Variants in CTNNBIP1 observed in about 807,000 individuals in gnomAD.
CTNNBIP1 encodes the protein beta-catenin-interacting protein 1.
CTNNBIP1 carries 7 observed loss-of-function variants against 11.8 expected under a neutral mutation model. The ratio of observed to expected loss-of-function variants is 0.60; its 90% CI spans 0.34 to 1.12. The LOEUF is 1.12. Among genes scored for constraint, CTNNBIP1 ranks in the 50% most tolerant of loss-of-function variants. The pLI is 0.03. For synonymous variants in CTNNBIP1, 58 were observed against 43.9 expected, an observed-to-expected ratio of 1.32 and a Z score of -1.26; for missense variants, 101 against 113.4, an observed-to-expected ratio of 0.89 and a Z score of 0.50.
rs1286949100 is a variant in CTNNBIP1 at position 9,851,631 on chromosome 1, A to G, written c.188-855T>C. On this transcript the variant is annotated intron_variant, in intron 5 of 5. Coordinates refer to ENST00000377263, the MANE Select transcript of CTNNBIP1 (RefSeq NM_020248.3). The surrounding 1 kb of genome is among the most constrained non-coding windows in gnomAD (Gnocchi z 4.8). The stretch of plus-strand genomic sequence containing the variant: ...CATGATCCACCCACCTCGGCCTCCC[A>G]AAGTGCTGGGATTATAGGCAGGAGC... Among the ~76,000 whole-genome samples, 24 of 152,154 alleles carry G rather than the reference A, an allele frequency of 1.6e-4. No homozygotes were observed. Among genetic ancestry groups the G allele is most frequent in the Admixed American group, 1.6e-3 (24 of 15,276 alleles).
intron 5 of CTNNBIP1, among the ~76,000 whole-genome samples, chr1:9,864,146 G>A (rs1448779510): frequency 2.6e-5 from 4 of 152,130 alleles, no homozygotes; most frequent in Admixed American, 1.3e-4. Flanking sequence ...AGTGTGATCA[G>A]GTGGAGGCAG....
rs762719957 is a variant in CTNNBIP1 at position 9,871,281 on chromosome 1, C to T, written c.97-4G>A. On this transcript the variant is annotated splice_polypyrimidine_tract_variant and splice_region_variant and intron_variant, in intron 4 of 5. Transcript: ENST00000377263. The surrounding 1 kb of genome is among the most constrained non-coding windows in gnomAD (Gnocchi z 5.2). Reference sequence around the variant, plus strand: ...ACTCCTCCTCGCTGGCTGTCAGCTGCAGGGTGAGAGAGCTGTGGTGAGGGG... The same window carrying T: ...ACTCCTCCTCGCTGGCTGTCAGCTGTAGGGTGAGAGAGCTGTGGTGAGGGG... 3 of 1,561,322 alleles carry T rather than the reference C, an allele frequency of 1.9e-6. No homozygotes were observed. The highest frequency in any genetic ancestry group is 2.6e-6 in the Non-Finnish European group (3 of 1,152,480).
chr1:9,886,197 C>A (rs895591796), intron 1 of CTNNBIP1, among the ~76,000 whole-genome samples: 1 of 152,114 alleles, frequency 6.6e-6, no homozygotes, highest in Non-Finnish European at 1.5e-5. Flanking sequence ...GACAGAGAGG[C>A]GGGAGGGGAC....
chr1:9,885,878 GC>G (rs763875496), intron 1 of CTNNBIP1, among the ~76,000 whole-genome samples: 40 of 151,320 alleles, frequency 2.6e-4, no homozygotes, highest in Non-Finnish European at 5.6e-4. Flanking sequence ...GTTGTGGTGA[GC>G]CAAGATTGTG....
chr1:9,892,748 G>A (rs944460350), intron 1 of CTNNBIP1, among the ~76,000 whole-genome samples: 3 of 152,216 alleles, frequency 2.0e-5, no homozygotes, highest in African/African-American at 4.8e-5. Context: ...CTGGCTCCAC[G>A]CATCACGTGA....
At chr1:9,855,729 T>G (rs1256105074) in intron 5 of CTNNBIP1, among the ~76,000 whole-genome samples, 1 of 151,416 alleles carries the variant, frequency 6.6e-6, no homozygotes, top group African/African-American at 2.4e-5. Context: ...GAAATGCTTT[T>G]TTTTTTTTTT....
intron 5 of CTNNBIP1, among the ~76,000 whole-genome samples, chr1:9,853,112 G>A (rs1281296741): frequency 1.4e-4 from 22 of 152,184 alleles, no homozygotes; most frequent in Admixed American, 1.4e-3. Context: ...CTTCCCTGGT[G>A]GCATTTATAG....
chr1:9,895,792 T>C (rs1639397639), intron 1 of CTNNBIP1, among the ~76,000 whole-genome samples: 1 of 152,094 alleles, frequency 6.6e-6, no homozygotes, highest in Non-Finnish European at 1.5e-5. Context: ...CCACCGCACC[T>C]GGCCTTGTTT....
chr1:9,855,498 T>C (rs748223306), intron 5 of CTNNBIP1, among the ~76,000 whole-genome samples: 2 of 152,172 alleles, frequency 1.3e-5, no homozygotes, highest in East Asian at 1.9e-4. Flanking sequence ...TTATGGCCAG[T>C]TGATTTTTGA....
chr1:9,891,903 G>A (rs953675580), intron 1 of CTNNBIP1, among the ~76,000 whole-genome samples: 1 of 150,124 alleles, frequency 6.7e-6, no homozygotes, highest in Non-Finnish European at 1.5e-5. Flanking sequence ...CCAGTCTCAG[G>A]TGATTCTCCT....
chr1:9,877,243 A>G (rs1024531223), intron 3 of CTNNBIP1, among the ~76,000 whole-genome samples: 3 of 152,226 alleles, frequency 2.0e-5, no homozygotes, highest in Non-Finnish European at 4.4e-5. Context: ...GGCTCCCTGT[A>G]TGGGTCTCTG....
rs1227042503 is a variant in CTNNBIP1 at position 9,849,674 on chromosome 1, T to A, written c.*1044A>T. Reference sequence around the variant, plus strand: ...ACCCCCAAAATGAGGCCTCAGGAAGTGGTACACAGAAGGATGGCCAAGAGG... The same window carrying A: ...ACCCCCAAAATGAGGCCTCAGGAAGAGGTACACAGAAGGATGGCCAAGAGG... On this transcript the variant is annotated 3_prime_UTR_variant, in exon 6 of 6. Transcript: ENST00000377263. 6.6e-6 allele frequency: 1 copy of A among 152,102 alleles called. No individual in the cohort carries two copies. The highest frequency in any genetic ancestry group is 1.5e-5 in the Non-Finnish European group (1 of 68,070). The allele number at this position is 152,102 out of a possible 1,614,324, so 9.4% of individuals were successfully genotyped here.
chr1:9,879,088 T>TCA (rs1171145012), intron 2 of CTNNBIP1, among the ~76,000 whole-genome samples: 6 of 151,946 alleles, frequency 3.9e-5, no homozygotes, highest in Non-Finnish European at 7.4e-5. Context: ...TCCCAGCTAC[T>TCA]TGGGAGGCTG....
At chr1:9,881,815 A>G (rs1442897791) in intron 2 of CTNNBIP1, among the ~76,000 whole-genome samples, 1 of 152,230 alleles carries the variant, frequency 6.6e-6, no homozygotes, top group Admixed American at 6.5e-5. Flanking sequence ...AAACTTTTCT[A>G]GGTACACACA....
At chr1:9,897,677 G>A (rs1639439013) in intron 1 of CTNNBIP1, among the ~76,000 whole-genome samples, 1 of 152,024 alleles carries the variant, frequency 6.6e-6, no homozygotes, top group South Asian at 2.1e-4. Flanking sequence ...AGCCAAGCGT[G>A]GTGGCAGGCG....
Position 9,872,068 on chromosome 1 carries a change from CCT to C in CTNNBIP1, c.-6_-5del. 6.2e-7 allele frequency: 1 copy of C among 1,613,354 alleles called. No individual in the cohort carries two copies. Among genetic ancestry groups the C allele is most frequent in the Non-Finnish European group, 8.5e-7 (1 of 1,179,232 alleles). ...CGGGAGCTCCCTCGCGGTTCATCCC[CCT>C]GCCTGGCTCTGGGGACTCCTGCAGA... On this transcript the variant is annotated 5_prime_UTR_variant, in exon 4 of 6. Coordinates refer to ENST00000377263, the MANE Select transcript of CTNNBIP1 (RefSeq NM_020248.3). The surrounding 1 kb of genome is among the most constrained non-coding windows in gnomAD (Gnocchi z 4.0).
At chr1:9,902,633 G>C (rs1055177662) in intron 1 of CTNNBIP1, among the ~76,000 whole-genome samples, 1 of 152,198 alleles carries the variant, frequency 6.6e-6, no homozygotes, top group Non-Finnish European at 1.5e-5. Flanking sequence ...TGCATCTGGA[G>C]ATCATGTCCT....
At chr1:9,894,660 T>C (rs922640334) in intron 1 of CTNNBIP1, among the ~76,000 whole-genome samples, 4 of 152,010 alleles carry the variant, frequency 2.6e-5, no homozygotes, top group Admixed American at 6.6e-5. Context: ...CCCAAATAGC[T>C]AGGCCTGCAG....
intron 5 of CTNNBIP1, among the ~76,000 whole-genome samples, chr1:9,864,108 C>T (rs943849101): frequency 6.6e-6 from 1 of 152,184 alleles, no homozygotes; most frequent in Non-Finnish European, 1.5e-5. Flanking sequence ...GCTGGGGGAA[C>T]CTTCCCTGGA....
Sources: gnomAD v4.1 joint callset for allele counts (sites outside exome capture counted in the v4.1 genomes callset) on GRCh38, gnomAD v4.1.1 for gene constraint, Gnocchi (gnomAD v3.1) non-coding constraint, MANE v1.5 for transcripts, NCBI Gene and HGNC (gene_info 2026-07-23, HGNC 2026-07-21) for gene names.